Variants in IL36B observed in about 807,000 individuals in gnomAD.
IL36B encodes the protein interleukin 36 beta, also known as interleukin-36 beta.
A neutral mutation model predicts 19.3 loss-of-function variants in IL36B; 23 were observed. The observed-to-expected ratio is 1.19, with a 90% CI of 0.86 to 1.69. The LOEUF (loss-of-function observed/expected upper bound fraction) is 1.69. Ranked by LOEUF, IL36B falls within the 40% of genes most tolerant of loss-of-function variation. The pLI is 0.00. For missense variants in IL36B, 217 were observed against 200.5 expected (o/e 1.08, Z -0.50); for synonymous variants, 59 against 59.7 (o/e 0.99, Z 0.05).
chr2:113,033,393 G>A (rs948498213), intron 1 of IL36B, among the ~76,000 whole-genome samples: 2 of 152,006 alleles, frequency 1.3e-5, no homozygotes, highest in African/African-American at 4.8e-5. Flanking sequence ...TGCCACACTG[G>A]GCTAGTTTTT....
chr2:113,026,275 C>T, intron 4 of IL36B: 2 of 1,610,302 alleles, frequency 1.2e-6, no homozygotes, highest in South Asian at 1.1e-5. Context: ...TAATACACTG[C>T]CAGGTTACAC....
chr2:113,051,170 C>T (rs867246865), intron 1 of IL36B, among the ~76,000 whole-genome samples: 6 of 152,194 alleles, frequency 3.9e-5, no homozygotes, highest in Non-Finnish European at 8.8e-5. Flanking sequence ...GAGGGGCCAG[C>T]GCAGGACCGG....
At chr2:113,041,717 G>A (rs35594467) in intron 1 of IL36B, among the ~76,000 whole-genome samples, 1,770 of 152,262 alleles carry the variant, frequency 0.012, 33 homozygotes, top group African/African-American at 0.04. Context: ...TAAAGAACTG[G>A]TATAATTGAC....
chr2:113,042,108 C>T (rs1348768924), intron 1 of IL36B, among the ~76,000 whole-genome samples: 1 of 152,150 alleles, frequency 6.6e-6, no homozygotes, highest in Non-Finnish European at 1.5e-5. Context: ...CCATGGGTTT[C>T]AGCACCTGAA....
intron 4 of IL36B, among the ~76,000 whole-genome samples, chr2:113,028,625 C>T (rs1352031300): frequency 3.3e-5 from 5 of 152,158 alleles, no homozygotes; most frequent in South Asian, 2.1e-4. Context: ...GAGAGCATCC[C>T]GTTGTCTTAG....
intron 1 of IL36B, among the ~76,000 whole-genome samples, chr2:113,033,829 T>C (rs533809495): frequency 3.2e-4 from 49 of 152,266 alleles, no homozygotes; most frequent in Middle Eastern, 3.4e-3. Flanking sequence ...GCTTTCTAAC[T>C]CTGAATTAGG....
At chr2:113,047,453 A>G (rs1558837958) in intron 1 of IL36B, among the ~76,000 whole-genome samples, 1 of 152,214 alleles carries the variant, frequency 6.6e-6, no homozygotes, top group Admixed American at 6.5e-5. Flanking sequence ...AACTTGTACT[A>G]TGAATATTCT....
Position 113,029,034 on chromosome 2 carries a change from T to C in IL36B, c.166A>G (p.Lys56Glu), listed in dbSNP as rs748067731. Reference sequence around the variant, plus strand: ...AGGTAAACCATATTACCCTTTTCCTTGTCACTGAATTCTGTGTCTCTACAG... The same window carrying C: ...AGGTAAACCATATTACCCTTTTCCTCGTCACTGAATTCTGTGTCTCTACAG... The change falls in exon 4 of 6, where the codon AAG becomes GAG. Residue 56 changes from lysine (K) to glutamate (E), a missense_variant. Transcript: ENST00000259213. The C allele has an allele frequency of 6.2e-7, 1 of 1,613,934 alleles. No homozygotes were observed.
chr2:113,048,424 A>AC (rs1685385007), intron 1 of IL36B, among the ~76,000 whole-genome samples: 1 of 152,222 alleles, frequency 6.6e-6, no homozygotes, highest in Admixed American at 6.5e-5. Context: ...CCTGAGTGAC[A>AC]GAGTGAGACT....
chr2:113,026,946 A>G (rs1459164079), intron 4 of IL36B, among the ~76,000 whole-genome samples: 4 of 152,252 alleles, frequency 2.6e-5, no homozygotes, highest in Non-Finnish European at 5.9e-5. Flanking sequence ...GTAGCAGTAC[A>G]GTCAAAAATT....
intron 1 of IL36B, among the ~76,000 whole-genome samples, chr2:113,046,660 G>T (rs1267338767): frequency 6.6e-6 from 1 of 152,162 alleles, no homozygotes; most frequent in Non-Finnish European, 1.5e-5. Context: ...ACAGTAAATA[G>T]ATTCGGATTT....
At chr2:113,029,659 T>C (rs1281785738) in intron 3 of IL36B, among the ~76,000 whole-genome samples, 1 of 152,146 alleles carries the variant, frequency 6.6e-6, no homozygotes, top group East Asian at 1.9e-4. Flanking sequence ...CCACTTGGGA[T>C]ACATGAAGTT....
intron 4 of IL36B, chr2:113,026,310 A>G (rs1684960862): frequency 6.3e-7 from 1 of 1,589,486 alleles, no homozygotes; most frequent in African/African-American, 1.3e-5. Flanking sequence ...TTGCACGGCA[A>G]TGACTGGAGT....
intron 1 of IL36B, among the ~76,000 whole-genome samples, chr2:113,034,291 C>T (rs1487609772): frequency 6.6e-6 from 1 of 152,186 alleles, no homozygotes; most frequent in Non-Finnish European, 1.5e-5. Flanking sequence ...GAAGGAACAG[C>T]CTTCCCCAGG....
intron 1 of IL36B, among the ~76,000 whole-genome samples, chr2:113,052,498 A>G (rs1685466591): frequency 6.6e-6 from 1 of 152,184 alleles, no homozygotes; most frequent in Non-Finnish European, 1.5e-5. Flanking sequence ...TTGTCTTATC[A>G]GTTAAATGGG....
At position 113,028,932 on chromosome 2, in the gene IL36B, C is replaced by T. The variant is rs773183453; in HGVS notation, c.261+7G>A. ...GTACTTCTCTCGTTAGCTGCACAAT[C>T]ACTCACCTTAAGCTGCAAAGTAGGC... On this transcript the variant is annotated splice_region_variant and intron_variant, in intron 4 of 5. Transcript: ENST00000259213. 2.5e-6 allele frequency: 4 copies of T among 1,612,768 alleles called. No homozygotes were observed. In the African/African-American group the frequency reaches 5.3e-5, roughly 22 times the overall value.
At position 113,031,039 on chromosome 2, in the gene IL36B, G is replaced by C. The variant is rs911966844; in HGVS notation, c.121+9C>G. 2 of 1,583,440 alleles carry C rather than the reference G, an allele frequency of 1.3e-6. No individual in the cohort carries two copies. The highest frequency in any genetic ancestry group is 1.7e-6 in the Non-Finnish European group (2 of 1,152,134). ...TCAAGAAGCAACAGTGGGTTTGATT[G>C]TCACTCACCAGGCTTAATGCTGCGG... On this transcript the variant is annotated intron_variant, in intron 3 of 5. Transcript: ENST00000259213.
At chr2:113,028,018 AC>A (rs1684996224) in intron 4 of IL36B, 1 of 1,614,126 alleles carries the variant, frequency 6.2e-7, no homozygotes, top group East Asian at 2.2e-5. Context: ...AGGGTAAGAG[AC>A]TGACTGAAAG....
At chr2:113,025,454 A>C (rs1359691840) in intron 5 of IL36B, among the ~76,000 whole-genome samples, 4 of 152,166 alleles carry the variant, frequency 2.6e-5, no homozygotes, top group African/African-American at 9.7e-5. Context: ...GCTAAGAGGG[A>C]GGGAAGATTT....
Sources: gnomAD v4.1 joint callset for allele counts (sites outside exome capture counted in the v4.1 genomes callset) on GRCh38, gnomAD v4.1.1 for gene constraint, MANE v1.5 for transcripts, NCBI Gene and HGNC (gene_info 2026-07-23, HGNC 2026-07-21) for gene names.